TTC13: variants seen among roughly 807,000 people sequenced by gnomAD.
TTC13 encodes the protein tetratricopeptide repeat protein 13.
Under a neutral mutation model 120.0 loss-of-function variants are expected in TTC13, and 62 were observed. The observed-to-expected ratio is 0.52, with a 90% confidence interval of 0.42 to 0.64. TTC13 has a LOEUF of 0.64. TTC13 is among the 30% of genes least tolerant of loss of function. The pLI, the probability that TTC13 is intolerant of heterozygous loss-of-function variation, is 0.00. For missense variants in TTC13, 824 were observed against 1,050.2 expected (o/e 0.78, Z 2.98); for synonymous variants, 384 against 393.5 (o/e 0.98, Z 0.28).
In TTC13 at chr1:230,940,804, C is replaced by T. The variant is rs911553886; in HGVS notation, c.673-248G>A. ...CAGCAACTGCCTTGTCACTATTTCA[C>T]ATTCTGGGTTGTATCAGATGTTGCT... On this transcript the variant is annotated intron_variant, in intron 6 of 22. Coordinates refer to ENST00000366661, the MANE Select transcript of TTC13 (RefSeq NM_024525.5). This position sits in a 1 kb window ranked among gnomAD's most constrained non-coding sequence, Gnocchi z 4.1. Among the ~76,000 whole-genome samples, 3 of 152,204 alleles carry T rather than the reference C, an allele frequency of 2.0e-5. No homozygotes were observed. Among genetic ancestry groups the T allele is most frequent in the Non-Finnish European group, 4.4e-5 (3 of 68,038 alleles).
chr1:230,971,889 C>T (rs990964033), intron 1 of TTC13, among the ~76,000 whole-genome samples: 4 of 152,198 alleles, frequency 2.6e-5, no homozygotes, highest in Non-Finnish European at 5.9e-5. Context: ...GCATCAGATG[C>T]TCAAAGTGAC....
chr1:230,976,854 C>T (rs1310520916), intron 1 of TTC13, among the ~76,000 whole-genome samples: 1 of 152,222 alleles, frequency 6.6e-6, no homozygotes, highest in African/African-American at 2.4e-5. Flanking sequence ...AAGCCACCAA[C>T]ATCAATGATA....
intron 1 of TTC13, among the ~76,000 whole-genome samples, chr1:230,970,567 T>C (rs756020254): frequency 2.0e-5 from 3 of 152,212 alleles, no homozygotes; most frequent in African/African-American, 4.8e-5. Flanking sequence ...CCAGTCCATC[T>C]GCGGGCAGGC....
intron 22 of TTC13, among the ~76,000 whole-genome samples, chr1:230,907,288 T>A (rs528643439): frequency 1.3e-5 from 2 of 152,228 alleles, no homozygotes; most frequent in African/African-American, 4.8e-5. Context: ...CCAGCTGTGG[T>A]GCATGCTGGG....
chr1:230,914,668 CA>C (rs1239406416), intron 18 of TTC13, among the ~76,000 whole-genome samples: 1 of 152,208 alleles, frequency 6.6e-6, no homozygotes, highest in Non-Finnish European at 1.5e-5. Context: ...GCTAGGATTA[CA>C]GGCGTGAGCC....
intron 1 of TTC13, among the ~76,000 whole-genome samples, chr1:230,977,502 T>C (rs746744722): frequency 2.6e-5 from 4 of 151,970 alleles, no homozygotes; most frequent in Non-Finnish European, 4.4e-5. Context: ...GTCACAAACC[T>C]CTCAGTGAGT....
rs1312783153 is a variant in TTC13 at position 230,920,521 on chromosome 1, G to A, written c.1972C>T (p.Pro658Ser). 1.9e-5 allele frequency: 30 copies of A among 1,610,960 alleles called. No individual in the cohort carries two copies. Among genetic ancestry groups the A allele is most frequent in the Non-Finnish European group, 2.5e-5 (29 of 1,178,320 alleles). The change falls in exon 17 of 23, where the codon CCG (proline) becomes TCG (serine). Residue 658 changes from proline to serine, a missense_variant. Physicochemically the swap from Pro to Ser is moderately conservative, Grantham distance 74 (BLOSUM62 -1). This residue lies in a region of TTC13 where 226 missense variants were observed against 259.1 expected (regional missense o/e 0.87). Transcript: ENST00000366661. ...GATGCTAAAGTTACCTTCATAATCG[G>A]AAGAAGGTCTTCTACTTTGTGTACC... ...EKVHKVEDLLPIMKQFNTKTK... is the reference protein window; with the variant it reads ...EKVHKVEDLLSIMKQFNTKTK...
rs564334898 is a variant in TTC13 at position 230,949,876 on chromosome 1, C to T, written c.514-4422G>A. Among the ~76,000 whole-genome samples the T allele has an allele frequency of 2.0e-5, 3 of 152,238 alleles. No individual in the cohort carries two copies. In the South Asian group the frequency reaches 6.2e-4, roughly 32 times the overall value. ...ATGTTAGCCAGGATAGTCTCAATCTCCTGACCTCGTGATCCGCCCGCCTTG... is the reference window on the plus strand; with the variant it reads ...ATGTTAGCCAGGATAGTCTCAATCTTCTGACCTCGTGATCCGCCCGCCTTG... On this transcript the variant is annotated intron_variant, in intron 4 of 22. Coordinates refer to ENST00000366661, the MANE Select transcript of TTC13 (RefSeq NM_024525.5).
At chr1:230,915,952 C>T (rs1671982994) in intron 18 of TTC13, among the ~76,000 whole-genome samples, 1 of 152,116 alleles carries the variant, frequency 6.6e-6, no homozygotes, top group South Asian at 2.1e-4. Flanking sequence ...CCACAAACTA[C>T]ATCATACATA....
chr1:230,942,290 C>G lies in TTC13; in HGVS notation c.672+1516G>C, dbSNP rs779922859. Among the ~76,000 whole-genome samples the G allele has an allele frequency of 3.9e-5, 6 of 152,064 alleles. 1 individual carries two copies. Among genetic ancestry groups the G allele is most frequent in the Non-Finnish European group, 7.4e-5 (5 of 68,014 alleles). On this transcript the variant is annotated intron_variant, in intron 6 of 22. Transcript: ENST00000366661. This position sits in a 1 kb window ranked among gnomAD's most constrained non-coding sequence, Gnocchi z 4.0. ...AGCAGATGATTACCAAATCTGTCACCAAATTAGCCACTAAACACCAACTAA... is the reference window on the plus strand; with the variant it reads ...AGCAGATGATTACCAAATCTGTCACGAAATTAGCCACTAAACACCAACTAA...
chr1:230,929,176 T>C (rs1483593785), intron 11 of TTC13, 83 bp from the exon 12 acceptor site: 1 of 1,365,168 alleles, frequency 7.3e-7, no homozygotes. Context: ...AAATACTTTG[T>C]AACAAGCTGT....
At chr1:230,958,584 G>A (rs185157155) in intron 2 of TTC13, among the ~76,000 whole-genome samples, 8 of 152,332 alleles carry the variant, frequency 5.3e-5, no homozygotes, top group South Asian at 4.1e-4. Context: ...TTAACAATGC[G>A]TAAGGGTGTT....
At chr1:230,924,383 A>AGT (rs1353327788) in intron 14 of TTC13, among the ~76,000 whole-genome samples, 2 of 152,160 alleles carry the variant, frequency 1.3e-5, no homozygotes, top group African/African-American at 4.8e-5. Context: ...CCCAGGCTGG[A>AGT]GTGCAGTGGC....
intron 3 of TTC13, chr1:230,956,368 C>T (rs112619623): frequency 1.0e-4 from 21 of 207,206 alleles, no homozygotes; most frequent in African/African-American, 4.5e-4. Context: ...AGGAAGATGA[C>T]GATTTGATCA....
chr1:230,969,417 G>C (rs1269390170), intron 1 of TTC13, among the ~76,000 whole-genome samples: 1 of 152,138 alleles, frequency 6.6e-6, no homozygotes, highest in Non-Finnish European at 1.5e-5. Flanking sequence ...TTCTTTGAAA[G>C]GTTCTACATC....
chr1:230,966,892 G>A (rs1677178687), intron 1 of TTC13, among the ~76,000 whole-genome samples: 1 of 152,130 alleles, frequency 6.6e-6, no homozygotes, highest in Non-Finnish European at 1.5e-5. Flanking sequence ...AGGCAGTCTG[G>A]TTCTGGAGTC....
chr1:230,959,484 C>T (rs868850368), intron 2 of TTC13, among the ~76,000 whole-genome samples: 5 of 152,190 alleles, frequency 3.3e-5, no homozygotes, highest in Admixed American at 6.5e-5. Flanking sequence ...TGGGTTCAAG[C>T]GATTCTCCTG....
At chr1:230,966,426 TATTTA>T (rs1461673118) in intron 1 of TTC13, among the ~76,000 whole-genome samples, 1 of 139,880 alleles carries the variant, frequency 7.1e-6, no homozygotes, top group African/African-American at 2.8e-5. Context: ...TTGATCTCTT[TATTTA>T]AATATTTTAT....
chr1:230,931,525 T>G, intron 10 of TTC13, 53 bp from the exon 11 acceptor site: 1 of 1,589,416 alleles, frequency 6.3e-7, no homozygotes, highest in Non-Finnish European at 8.6e-7. Context: ...AACTTTGAAA[T>G]GCTTTATTCT....
Sources: gnomAD v4.1 joint callset for allele counts (sites outside exome capture counted in the v4.1 genomes callset) on GRCh38, gnomAD v4.1.1 for gene constraint, gnomAD v4.1.1 regional missense constraint, Gnocchi (gnomAD v3.1) non-coding constraint, MANE v1.5 for transcripts, NCBI Gene and HGNC (gene_info 2026-07-23, HGNC 2026-07-21) for gene names.